HTRA3: variants seen among roughly 807,000 people sequenced by gnomAD.
The protein encoded by HTRA3 is HtrA serine peptidase 3, also known as serine protease HTRA3.
In HTRA3, 41 loss-of-function variants were observed where a neutral mutation model predicts 43.2. That is an observed-to-expected ratio of 0.95 (90% CI 0.74 to 1.23). The LOEUF (loss-of-function observed/expected upper bound fraction) is 1.23. Ranked by LOEUF, HTRA3 falls within the 50% of genes most tolerant of loss-of-function variation. The probability of loss-of-function intolerance (pLI) is 0.00; values close to 1 mark genes in which losing one functional copy is unlikely to be tolerated. For synonymous variants in HTRA3, 295 were observed against 287.9 expected, an observed-to-expected ratio of 1.02 and a Z score of -0.25; for missense variants, 628 against 647.1, an observed-to-expected ratio of 0.97 and a Z score of 0.32.
At chr4:8,298,697 C>T (rs1028160292) in intron 6 of HTRA3, among the ~76,000 whole-genome samples, 2 of 152,130 alleles carry the variant, frequency 1.3e-5, no homozygotes, top group South Asian at 2.1e-4. Flanking sequence ...AAGTATAGAT[C>T]GAGGTTTGGG....
In HTRA3 at chr4:8,282,480, T is replaced by C; in HGVS notation, c.429T>C (p.Ile143=). Residue 143 remains isoleucine, a synonymous_variant, in exon 2 of 9, where the codon ATT becomes ATC. Transcript: ENST00000307358. ...GCCCGCGCTACAAGTTCAACTTCATTGCTGACGTGGTGGAGAAGATCGCAC... is the reference window on the plus strand; with the variant it reads ...GCCCGCGCTACAAGTTCAACTTCATCGCTGACGTGGTGGAGAAGATCGCAC... ...LSSPRYKFNF[I]ADVVEKIAPA... is the part of the protein sequence containing the mutation. The C allele has an allele frequency of 3.7e-6, 6 of 1,614,126 alleles. No individual in the cohort carries two copies. Among genetic ancestry groups the C allele is most frequent in the Non-Finnish European group, 5.1e-6 (6 of 1,180,012 alleles).
chr4:8,274,678 A>G (rs1051756731), intron 1 of HTRA3, among the ~76,000 whole-genome samples: 3 of 152,184 alleles, frequency 2.0e-5, no homozygotes, highest in Non-Finnish European at 2.9e-5. Context: ...CATCCACGGG[A>G]TGGTAAAAGC....
chr4:8,281,451 G>A (rs11721861), intron 1 of HTRA3, among the ~76,000 whole-genome samples: 50,143 of 152,168 alleles, frequency 0.33, 9,239 homozygotes, highest in Non-Finnish European at 0.41. Context: ...GATGTGGTAG[G>A]AGGGCATATT....
At chr4:8,278,012 C>T (rs1210976704) in intron 1 of HTRA3, among the ~76,000 whole-genome samples, 1 of 152,192 alleles carries the variant, frequency 6.6e-6, no homozygotes, top group African/African-American at 2.4e-5. Context: ...TTGTGCACTG[C>T]ACAACTGCAG....
intron 8 of HTRA3, among the ~76,000 whole-genome samples, chr4:8,304,728 T>C (rs1317751494): frequency 7.5e-6 from 1 of 132,830 alleles, no homozygotes; most frequent in Non-Finnish European, 1.5e-5. Flanking sequence ...CGATCTCAGC[T>C]CACTGCAACC....
Position 8,306,461 on chromosome 4 carries a change from T to G in HTRA3, c.*325T>G. ...TCTCCTAGCTTCCCGCCTCTGCCCC[T>G]GTGAACACCCATCTGCAGTATCCCC... On this transcript the variant is annotated 3_prime_UTR_variant, in exon 9 of 9. Coordinates refer to ENST00000307358, the MANE Select transcript of HTRA3 (RefSeq NM_053044.5). This position sits in a 1 kb window ranked among gnomAD's most constrained non-coding sequence, Gnocchi z 8.9. The G allele has an allele frequency of 3.9e-6, 1 of 257,414 alleles. No individual in the cohort carries two copies. Among genetic ancestry groups the G allele is most frequent in the South Asian group, 6.6e-5 (1 of 15,232 alleles). 15.9% of individuals were successfully genotyped at this position (257,414 alleles called of 1,614,324 possible).
chr4:8,292,344 G>A lies in HTRA3; in HGVS notation c.927G>A (p.Leu309=), dbSNP rs752457550. 1.7e-5 allele frequency: 27 copies of A among 1,613,160 alleles called. No individual in the cohort carries two copies. Among genetic ancestry groups the A allele is most frequent in the Non-Finnish European group, 1.9e-5 (22 of 1,179,588 alleles). The change falls in exon 5 of 9, where the codon CTG becomes CTA. Residue 309 remains leucine (L), a synonymous_variant. Coordinates refer to ENST00000307358, the MANE Select transcript of HTRA3 (RefSeq NM_053044.5). ...AGTACGGGAACTCCGGGGGACCACTGGTGAACCTGGTAAGTGTCCCCTAGA... is the reference window on the plus strand; with the variant it reads ...AGTACGGGAACTCCGGGGGACCACTAGTGAACCTGGTAAGTGTCCCCTAGA... ...IINYGNSGGP[L]VNLDGEVIGI...
rs568654610 is a variant in HTRA3 at position 8,274,426 on chromosome 4, T to C, written c.385+4073T>C. Among the ~76,000 whole-genome samples the C allele has an allele frequency of 6.5e-4, 99 of 152,344 alleles. 1 individual carries two copies. The highest frequency in any genetic ancestry group is 2.2e-3 in the African/African-American group (93 of 41,582). Reference sequence around the variant, plus strand: ...ACAGATGTGACTGTGGGTCAATTTCTCTGCGTGATCCCCATCTCCTCCAGG... The same window carrying C: ...ACAGATGTGACTGTGGGTCAATTTCCCTGCGTGATCCCCATCTCCTCCAGG... On this transcript the variant is annotated intron_variant, in intron 1 of 8. Transcript: ENST00000307358.
intron 1 of HTRA3, among the ~76,000 whole-genome samples, chr4:8,271,103 C>T (rs1158933498): frequency 1.3e-5 from 2 of 152,128 alleles, no homozygotes; most frequent in Non-Finnish European, 2.9e-5. Flanking sequence ...GTCCTGCGTG[C>T]CATCAGCTTG....
chr4:8,303,659 T>C (rs1252563209), intron 7 of HTRA3, among the ~76,000 whole-genome samples: 1 of 152,218 alleles, frequency 6.6e-6, no homozygotes, highest in African/African-American at 2.4e-5. Context: ...TATGCCAATT[T>C]ATCTTTTGTT....
In HTRA3 at chr4:8,306,267, G is replaced by C. The variant is rs1713846786; in HGVS notation, c.*131G>C. 3 of 1,003,840 alleles carry C rather than the reference G, an allele frequency of 3.0e-6. No individual in the cohort carries two copies. Among genetic ancestry groups the C allele is most frequent in the Non-Finnish European group, 4.2e-6 (3 of 716,434 alleles). 62.2% of individuals were successfully genotyped at this position (1,003,840 alleles called of 1,614,324 possible). On this transcript the variant is annotated 3_prime_UTR_variant, in exon 9 of 9. Transcript: ENST00000307358. The surrounding 1 kb of genome is among the most constrained non-coding windows in gnomAD (Gnocchi z 8.9). ...AGCCTCCTCCTGGCTGTCCGGGGCAGAGCGGAGGCTGGGCTTGGCCAGGGG... is the reference window on the plus strand; with the variant it reads ...AGCCTCCTCCTGGCTGTCCGGGGCACAGCGGAGGCTGGGCTTGGCCAGGGG...
At chr4:8,302,631 C>G in intron 7 of HTRA3, 120 bp downstream of exon 7, 1 of 884,964 alleles carries the variant, frequency 1.1e-6, no homozygotes, top group Non-Finnish European at 1.9e-6. Flanking sequence ...CGGGCCGATG[C>G]ACTCAGGCCT....
chr4:8,275,829 C>G (rs1214595459), intron 1 of HTRA3, among the ~76,000 whole-genome samples: 2 of 152,232 alleles, frequency 1.3e-5, no homozygotes, highest in Non-Finnish European at 2.9e-5. Flanking sequence ...TAGGAAGCTG[C>G]CCTCGGTCAC....
intron 2 of HTRA3, among the ~76,000 whole-genome samples, chr4:8,284,487 C>T (rs898758562): frequency 2.6e-5 from 4 of 152,198 alleles, no homozygotes; most frequent in Non-Finnish European, 5.9e-5. Flanking sequence ...GATGCTTTTC[C>T]AGCACAGGCC....
intron 1 of HTRA3, among the ~76,000 whole-genome samples, chr4:8,282,179 A>AT (rs1553818560): frequency 2.0e-5 from 3 of 152,024 alleles, no homozygotes; most frequent in African/African-American, 7.2e-5. Context: ...GGGTCCAGTG[A>AT]GGGGGGTGAG....
chr4:8,291,244 G>A, intron 3 of HTRA3, 126 bp from the exon 4 acceptor site: 1 of 813,970 alleles, frequency 1.2e-6, no homozygotes, highest in South Asian at 1.5e-5. Flanking sequence ...AGCCTTCACA[G>A]TCCTGGTGGC....
rs759709096 is a variant in HTRA3, at chr4:8,282,433, G to A, written c.386-4G>A. On this transcript the variant is annotated splice_region_variant and splice_polypyrimidine_tract_variant and intron_variant, in intron 1 of 8. Transcript: ENST00000307358. ...GATGCACCTGGCCCTTCCCGCCAGC[G>A]CAGGTCTCCACCAGCTGAGCAGCCC... 27 of 1,611,238 alleles carry A rather than the reference G, an allele frequency of 1.7e-5. No homozygotes were observed. The highest frequency in any genetic ancestry group is 1.6e-4 in the Middle Eastern group (1 of 6,082).
In HTRA3 at chr4:8,297,900, C is replaced by A. The variant is rs1177645605; in HGVS notation, c.1051+3699C>A. 3.3e-5 allele frequency among the ~76,000 whole-genome samples: 5 copies of A among 152,212 alleles called. No individual in the cohort carries two copies. The highest frequency in any genetic ancestry group is 1.2e-4 in the African/African-American group (5 of 41,446). ...ACCTGTCAAGACCCCCCTGCTCCTGCAGCCCCACCTGCCGTCCCCACTGAG... is the reference window on the plus strand; with the variant it reads ...ACCTGTCAAGACCCCCCTGCTCCTGAAGCCCCACCTGCCGTCCCCACTGAG... On this transcript the variant is annotated intron_variant, in intron 6 of 8. Transcript: ENST00000307358. The surrounding 1 kb of genome is among the most constrained non-coding windows in gnomAD (Gnocchi z 5.8).
rs1395589846 is a variant in HTRA3 at position 8,286,157 on chromosome 4, C to A, written c.486-404C>A. 6.6e-6 allele frequency among the ~76,000 whole-genome samples: 1 copy of A among 152,158 alleles called. No individual in the cohort carries two copies. Among genetic ancestry groups the A allele is most frequent in the Non-Finnish European group, 1.5e-5 (1 of 68,026 alleles). On this transcript the variant is annotated intron_variant, in intron 2 of 8. Coordinates refer to ENST00000307358, the MANE Select transcript of HTRA3 (RefSeq NM_053044.5). The surrounding 1 kb of genome is among the most constrained non-coding windows in gnomAD (Gnocchi z 4.9). ...TGTCCCATTTCCCAAATGGGGAGACCAAGGCTCAGAGAGCTTCACTGACCT... is the reference window on the plus strand; with the variant it reads ...TGTCCCATTTCCCAAATGGGGAGACAAAGGCTCAGAGAGCTTCACTGACCT...
Sources: gnomAD v4.1 joint callset for allele counts (sites outside exome capture counted in the v4.1 genomes callset) on GRCh38, gnomAD v4.1.1 for gene constraint, Gnocchi (gnomAD v3.1) non-coding constraint, MANE v1.5 for transcripts, NCBI Gene and HGNC (gene_info 2026-07-23, HGNC 2026-07-21) for gene names.